The following WDR72 variants were observed in gnomAD, a reference collection of about 807,000 sequenced individuals.
The protein encoded by WDR72 is WD repeat domain 72.
Under a neutral mutation model 124.2 loss-of-function variants are expected in WDR72, and 120 were observed. The observed-to-expected ratio is 0.97, with a 90% CI of 0.83 to 1.12. The LOEUF (loss-of-function observed/expected upper bound fraction) is 1.12. WDR72 is among the 50% of genes most tolerant of loss of function. The pLI is 0.00. For synonymous variants in WDR72, 452 were observed against 441.7 expected (o/e 1.02, Z -0.29); for missense variants, 1,387 against 1,278.8 (o/e 1.08, Z -1.29).
At chr15:53,569,853 C>T (rs1324943058) in intron 18 of WDR72, among the ~76,000 whole-genome samples, 1 of 152,008 alleles carries the variant, frequency 6.6e-6, no homozygotes, top group Non-Finnish European at 1.5e-5. Context: ...TTTACATAAA[C>T]AATGAATCAT....
chr15:53,718,966 G>T (rs148402993), intron 3 of WDR72, among the ~76,000 whole-genome samples: 5 of 152,018 alleles, frequency 3.3e-5, no homozygotes, highest in African/African-American at 1.2e-4. Flanking sequence ...CCTTGAAAAG[G>T]GGAATTTTTT....
intron 11 of WDR72, 55 bp from the exon 12 acceptor site, chr15:53,702,409 G>C: frequency 1.4e-6 from 2 of 1,413,142 alleles, no homozygotes; most frequent in Non-Finnish European, 2.0e-6. Context: ...TCAGAAAATC[G>C]TCCCAAGATT....
rs2012192349 is a variant in WDR72 at position 53,586,002 on chromosome 15, C to T, written c.3148+11077G>A. ...TCATTCCCAGGCAGTTGGTGGCTCTCTATGCCTTTACAGTAATGTGAATGT... is the reference window on the plus strand; with the variant it reads ...TCATTCCCAGGCAGTTGGTGGCTCTTTATGCCTTTACAGTAATGTGAATGT... On this transcript the variant is annotated intron_variant, in intron 18 of 19. Coordinates refer to ENST00000360509, the MANE Select transcript of WDR72 (RefSeq NM_182758.4). Among the ~76,000 whole-genome samples the T allele has an allele frequency of 3.3e-5, 5 of 152,036 alleles. No homozygotes were observed. The South Asian group carries it at 1.0e-3, about 31-fold the overall frequency.
intron 14 of WDR72, among the ~76,000 whole-genome samples, chr15:53,657,813 T>C (rs964812133): frequency 2.6e-5 from 4 of 152,216 alleles, no homozygotes; most frequent in African/African-American, 9.6e-5. Context: ...CACGGTTGCC[T>C]ATCAGCAATT....
At chr15:53,541,302 G>T (rs58747426) in intron 18 of WDR72, among the ~76,000 whole-genome samples, 6,399 of 152,028 alleles carry the variant, frequency 0.042, 377 homozygotes, top group African/African-American at 0.13. Flanking sequence ...ATCTGAGAAC[G>T]GGCAGACTGC....
chr15:53,574,500 T>C (rs1373770440), intron 18 of WDR72, among the ~76,000 whole-genome samples: 2 of 152,156 alleles, frequency 1.3e-5, no homozygotes, highest in Admixed American at 6.5e-5. Flanking sequence ...ATTTCGGAAA[T>C]GATAAAATGT....
At chr15:53,732,029 T>C (rs1199981847) in intron 2 of WDR72, among the ~76,000 whole-genome samples, 2 of 152,162 alleles carry the variant, frequency 1.3e-5, no homozygotes. Context: ...GTGTTTAAAC[T>C]ATAATAGAAA....
intron 1 of WDR72, among the ~76,000 whole-genome samples, chr15:53,757,118 AG>A (rs1240348186): frequency 6.6e-6 from 1 of 152,212 alleles, no homozygotes; most frequent in Non-Finnish European, 1.5e-5. Flanking sequence ...AAAGTTGATT[AG>A]GAAGAGGTCT....
chr15:53,675,341 CA>C (rs58306742), intron 13 of WDR72, among the ~76,000 whole-genome samples: 3,577 of 126,412 alleles, frequency 0.028, 147 homozygotes, highest in African/African-American at 0.09. Flanking sequence ...GACTCTGTCT[CA>C]AAAAAAAAAA....
At position 53,702,347 on chromosome 15, in the gene WDR72, G is replaced by T. The variant is rs751602487; in HGVS notation, c.1356C>A (p.Pro452=). The part of the protein sequence containing the change: ...LEGGSLVKDS[P]PHKVLKGHHQ... ...GGTGGCCTTTAAGAACTTTATGAGG[G>T]GGAGAATCTGAAAAACAATGAAACA... The change falls in exon 12 of 20, where the codon CCC becomes CCA. Residue 452 remains proline, a synonymous_variant. Coordinates refer to ENST00000360509, the MANE Select transcript of WDR72 (RefSeq NM_182758.4). 2.5e-6 allele frequency: 4 copies of T among 1,611,506 alleles called. No individual in the cohort carries two copies. Among genetic ancestry groups the T allele is most frequent in the Admixed American group, 1.7e-5 (1 of 59,982 alleles).
At chr15:53,599,596 A>C (rs1264735161) in intron 17 of WDR72, among the ~76,000 whole-genome samples, 1 of 152,072 alleles carries the variant, frequency 6.6e-6, no homozygotes. Flanking sequence ...CCTAAGACCC[A>C]CAATGTGTAC....
Position 53,692,452 on chromosome 15 carries a change from T to TC in WDR72, c.1765+7297_1765+7298insG, listed in dbSNP as rs1220566637. 2.0e-5 allele frequency among the ~76,000 whole-genome samples: 3 copies of TC among 152,194 alleles called. No homozygotes were observed. In the East Asian group the frequency reaches 5.8e-4, roughly 29 times the overall value. On this transcript the variant is annotated intron_variant, in intron 13 of 19. Coordinates refer to ENST00000360509, the MANE Select transcript of WDR72 (RefSeq NM_182758.4). ...AGGATTTATAATAAATAATAGTTAA[T>TC]GTTTATTCAGCCCTCGCTGCCATTA... is the stretch of plus-strand genomic sequence containing the variant.
Position 53,665,594 on chromosome 15 carries a change from A to G in WDR72, c.1940T>C (p.Leu647Pro). ...YQLGPLPCPG[L>P]QVESSCKVTD... Reference sequence around the variant, plus strand: ...TACCTTACATGAAGACTCCACCTGCAGACCAGGGCAAGGTAATGGCCCAAG... The same window carrying G: ...TACCTTACATGAAGACTCCACCTGCGGACCAGGGCAAGGTAATGGCCCAAG... The change falls in exon 14 of 20, where the codon CTG becomes CCG. Residue 647 changes from leucine to proline, a missense_variant. Physicochemically the swap from Leu to Pro is moderately conservative, Grantham distance 98. Coordinates refer to ENST00000360509, the MANE Select transcript of WDR72 (RefSeq NM_182758.4). 1.2e-6 allele frequency: 2 copies of G among 1,613,882 alleles called. No homozygotes were observed. The highest frequency in any genetic ancestry group is 1.7e-6 in the Non-Finnish European group (2 of 1,179,816).
chr15:53,678,171 A>T (rs511109), intron 13 of WDR72, among the ~76,000 whole-genome samples: 14,516 of 152,206 alleles, frequency 0.095, 1,845 homozygotes, highest in African/African-American at 0.29. Flanking sequence ...AATTTTTCAA[A>T]AGTTCATATA....
chr15:53,599,730 T>A (rs891591291), intron 17 of WDR72, among the ~76,000 whole-genome samples: 8 of 152,104 alleles, frequency 5.3e-5, no homozygotes, highest in Non-Finnish European at 1.0e-4. Context: ...ATCTAAAATG[T>A]CATCTCTCCC....
At chr15:53,586,093 A>G (rs909702230) in intron 18 of WDR72, among the ~76,000 whole-genome samples, 7 of 152,044 alleles carry the variant, frequency 4.6e-5, no homozygotes, top group Non-Finnish European at 1.0e-4. Flanking sequence ...AAACCACATC[A>G]TATTCTTCTC....
chr15:53,722,033 TA>T (rs1399264631), intron 3 of WDR72, among the ~76,000 whole-genome samples: 3 of 136,466 alleles, frequency 2.2e-5, no homozygotes, highest in Non-Finnish European at 5.2e-5. Flanking sequence ...TATTTATTTT[TA>T]TTTTTTATTT....
chr15:53,599,240 T>TG (rs898526211), intron 17 of WDR72, among the ~76,000 whole-genome samples: 26 of 152,152 alleles, frequency 1.7e-4, no homozygotes, highest in African/African-American at 6.0e-4. Context: ...TCTCACATGA[T>TG]GGGATATATT....
At chr15:53,742,551 C>G (rs2018537458) in intron 1 of WDR72, among the ~76,000 whole-genome samples, 1 of 152,002 alleles carries the variant, frequency 6.6e-6, no homozygotes, top group Non-Finnish European at 1.5e-5. Flanking sequence ...ATTTTTAAAT[C>G]TCATCTATTT....
Sources: allele counts gnomAD v4.1 joint callset (sites outside exome capture counted in the v4.1 genomes callset), GRCh38; gene constraint gnomAD v4.1.1; transcripts MANE v1.5; gene names NCBI Gene and HGNC (gene_info 2026-07-23, HGNC 2026-07-21).